The following ZNF43 variants were observed in gnomAD, a reference collection of about 807,000 sequenced individuals.
ZNF43 encodes the protein zinc finger protein 43, also known as zinc finger protein 39-like 1 (KOX 27).
In ZNF43, 44 loss-of-function variants were observed where a neutral mutation model predicts 68.4. The ratio of observed to expected loss-of-function variants is 0.64; its 90% CI spans 0.51 to 0.83. The LOEUF is 0.83. Among genes scored for constraint, ZNF43 ranks in the 40% least tolerant of loss-of-function variants. The pLI, the probability that ZNF43 is intolerant of heterozygous loss-of-function variation, is 0.00. For missense variants in ZNF43, 896 were observed against 933.2 expected (o/e 0.96, Z 0.52); for synonymous variants, 308 against 307.8 (o/e 1.00, Z -0.01).
At chr19:21,834,942 A>T (rs1018615651) in intron 1 of ZNF43, among the ~76,000 whole-genome samples, 8 of 74,484 alleles carry the variant, frequency 1.1e-4, no homozygotes, top group Admixed American at 4.4e-4. Context: ...AATGTACACT[A>T]AAAAAAAAAA....
intron 1 of ZNF43, among the ~76,000 whole-genome samples, chr19:21,850,693 G>A (rs1006770584): frequency 6.6e-6 from 1 of 152,208 alleles, no homozygotes; most frequent in African/African-American, 2.4e-5. Flanking sequence ...TAACCTGAGA[G>A]CAGGGCTTAG....
chr19:21,850,273 C>G (rs1968256961), intron 1 of ZNF43, among the ~76,000 whole-genome samples: 1 of 152,278 alleles, frequency 6.6e-6, no homozygotes, highest in South Asian at 2.1e-4. Context: ...TAGAAAGGGC[C>G]TGGGCAGGGC....
intron 1 of ZNF43, among the ~76,000 whole-genome samples, chr19:21,851,539 CAAAAAAAAAAA>C (rs759516277): frequency 1.5e-5 from 1 of 64,848 alleles, no homozygotes; most frequent in Non-Finnish European, 3.4e-5. Flanking sequence ...GATTCCCTCT[CAAAAAAAAAAA>C]AAAAAAAAAA....
chr19:21,807,936 T>C lies in ZNF43; in HGVS notation c.2101A>G (p.Thr701Ala), dbSNP rs773093344. The change falls in exon 4 of 4, where the codon ACT becomes GCT. Residue 701 changes from threonine to alanine, a missense_variant. Thr to Ala is a moderately conservative substitution (Grantham distance 58). Transcript: ENST00000354959. ...STLSTHKIIHTGEKPYKCEKC... is the reference protein window; with the variant it reads ...STLSTHKIIHAGEKPYKCEKC... ...TCACATTTGTAGGGTTTCTCTCCAG[T>C]ATGAATAATCTTATGTGTAGAAAGG... The C allele has an allele frequency of 1.4e-5, 23 of 1,612,884 alleles. No individual in the cohort carries two copies. Among genetic ancestry groups the C allele is most frequent in the Non-Finnish European group, 8.5e-7 (1 of 1,179,770 alleles).
intron 1 of ZNF43, among the ~76,000 whole-genome samples, chr19:21,833,893 A>G (rs2244127): frequency 0.47 from 70,545 of 151,512 alleles, 18,826 homozygotes; most frequent in African/African-American, 0.75. Flanking sequence ...CAGGCGTGGT[A>G]GTGCATCCCT....
Position 21,836,161 on chromosome 19 carries a change from A to G in ZNF43, c.-123T>C. 1 of 1,568,272 alleles carries G rather than the reference A, an allele frequency of 6.4e-7. No homozygotes were observed. The highest frequency in any genetic ancestry group is 8.7e-7 in the Non-Finnish European group (1 of 1,155,812). Reference sequence around the variant, plus strand: ...ACAGAAGAACGAAGACGAGACGCAGAGCTCCAACTGCAGCCAGAGACAAAG... The same window carrying G: ...ACAGAAGAACGAAGACGAGACGCAGGGCTCCAACTGCAGCCAGAGACAAAG... On this transcript the variant is annotated 5_prime_UTR_variant, in exon 1 of 4. Transcript: ENST00000354959.
At chr19:21,830,183 G>A (rs763822883) in intron 1 of ZNF43, among the ~76,000 whole-genome samples, 35 of 151,758 alleles carry the variant, frequency 2.3e-4, no homozygotes, top group Non-Finnish European at 4.3e-4. Context: ...CCAGGGAGGC[G>A]GAGGTTGCAG....
intron 1 of ZNF43, chr19:21,851,845 G>C: frequency 6.6e-7 from 1 of 1,515,720 alleles, no homozygotes; most frequent in African/African-American, 1.4e-5. Context: ...TGAGGAGGCC[G>C]GTCCCGCCAC....
Position 21,846,372 on chromosome 19 carries a change from C to T in ZNF43, c.30+5533G>A, listed in dbSNP as rs150773427. On this transcript the variant is annotated intron_variant, in intron 1 of 3. Transcript: ENST00000357491. ...CAGGGACCAAGCATAAGAATCACAT[C>T]ACCTGTGTGCTGGGCCAAACAATAA... Among the ~76,000 whole-genome samples, 1,326 of 152,314 alleles carry T rather than the reference C, an allele frequency of 8.7e-3. 23 individuals carry two copies. Among genetic ancestry groups the T allele is most frequent in the African/African-American group, 0.03 (1,259 of 41,554 alleles).
intron 3 of ZNF43, among the ~76,000 whole-genome samples, chr19:21,816,316 G>A (rs2037526052): frequency 1.3e-5 from 2 of 152,250 alleles, no homozygotes; most frequent in South Asian, 2.1e-4. Flanking sequence ...GCTGGGTTAT[G>A]TAGCAAGACC....
At chr19:21,833,029 CTGA>C (rs2038498267) in intron 1 of ZNF43, among the ~76,000 whole-genome samples, 1 of 152,172 alleles carries the variant, frequency 6.6e-6, no homozygotes, top group Non-Finnish European at 1.5e-5. Flanking sequence ...AAGAGAGTAA[CTGA>C]TGTTTTTATG....
Position 21,807,600 on chromosome 19 carries a change from G to A in ZNF43, c.*7C>T. The A allele has an allele frequency of 6.6e-7, 1 of 1,526,514 alleles. No homozygotes were observed. The highest frequency in any genetic ancestry group is 2.3e-5 in the East Asian group (1 of 44,152). The allele number at this position is 1,526,514 out of a possible 1,614,324, so 94.6% of individuals were successfully genotyped here. On this transcript the variant is annotated 3_prime_UTR_variant, in exon 4 of 4. Coordinates refer to ENST00000354959, the MANE Select transcript of ZNF43 (RefSeq NM_003423.4). ...TTTACATTTCTAGAATTTCTCACCA[G>A]TATAATTTATTTTATGTTTGAAAAA...
At chr19:21,836,378 C>G (rs372023042), upstream of ZNF43, among the ~76,000 whole-genome samples, 9 of 152,340 alleles carry the variant, frequency 5.9e-5, no homozygotes, top group African/African-American at 2.2e-4. Context: ...TCAGGCAGGG[C>G]TTCCTCCCTG....
chr19:21,843,291 T>G (rs1967664968), intron 1 of ZNF43: 4 of 867,636 alleles, frequency 4.6e-6, no homozygotes, highest in African/African-American at 1.8e-5. Flanking sequence ...GTCAAATCGC[T>G]CACATTCTGA....
chr19:21,838,613 T>C (rs541229447), upstream of ZNF43, among the ~76,000 whole-genome samples: 4 of 152,278 alleles, frequency 2.6e-5, no homozygotes, highest in East Asian at 7.8e-4. Flanking sequence ...TTGGCCAGGC[T>C]GGTCTCAAAC....
intron 3 of ZNF43, among the ~76,000 whole-genome samples, chr19:21,810,524 C>A (rs749682406): frequency 2.0e-4 from 31 of 152,164 alleles, no homozygotes; most frequent in Non-Finnish European, 3.4e-4. Context: ...ACATGGACAT[C>A]CAAACCATAT....
rs757409700 is a variant in ZNF43, at chr19:21,805,437, C to T, written c.*2170G>A. On this transcript the variant is annotated 3_prime_UTR_variant, in exon 4 of 4. Coordinates refer to ENST00000354959, the MANE Select transcript of ZNF43 (RefSeq NM_003423.4). Reference sequence around the variant, plus strand: ...CAAGATCATGCCACTGTACTCCAGCCTGGGTGACAGAGCGAGACTCCATCT... The same window carrying T: ...CAAGATCATGCCACTGTACTCCAGCTTGGGTGACAGAGCGAGACTCCATCT... 3 of 151,914 alleles carry T rather than the reference C, an allele frequency of 2.0e-5. No homozygotes were observed. Among genetic ancestry groups the T allele is most frequent in the African/African-American group, 7.3e-5 (3 of 41,296 alleles). 9.4% of individuals were successfully genotyped at this position (151,914 alleles called of 1,614,324 possible). A position where few individuals can be genotyped will look rare whatever the true frequency, so the allele number is the denominator to read the frequency against.
At position 21,808,284 on chromosome 19, in the gene ZNF43, T is replaced by C. The variant is rs2037067763; in HGVS notation, c.1753A>G (p.Lys585Glu). 1 of 1,613,524 alleles carries C rather than the reference T, an allele frequency of 6.2e-7. No individual in the cohort carries two copies. Among genetic ancestry groups the C allele is most frequent in the Non-Finnish European group, 8.5e-7 (1 of 1,179,866 alleles). ...FTQSSNLTTH[K>E]KIHTGEKFYK... ...AATTTCTCTCCAGTATGAATTTTCT[T>C]ATGTGTAGTAAGGTTTGAGGATTGG... Residue 585 changes from lysine to glutamate, a missense_variant, in exon 4 of 4, where the codon AAG (lysine) becomes GAG (glutamate). Physicochemically the swap from Lys to Glu is moderately conservative, Grantham distance 56. Coordinates refer to ENST00000354959, the MANE Select transcript of ZNF43 (RefSeq NM_003423.4).
Position 21,817,989 on chromosome 19 carries a change from G to A in ZNF43, c.131-3C>T, listed in dbSNP as rs2037613303. 1.2e-6 allele frequency: 2 copies of A among 1,609,760 alleles called. No homozygotes were observed. Among genetic ancestry groups the A allele is most frequent in the African/African-American group, 1.3e-5 (1 of 74,764 alleles). On this transcript the variant is annotated splice_region_variant and splice_polypyrimidine_tract_variant and intron_variant, in intron 2 of 3. Coordinates refer to ENST00000354959, the MANE Select transcript of ZNF43 (RefSeq NM_003423.4). Reference sequence around the variant, plus strand: ...GTCTGGCTTAGAGACAGCAATACCTGTTTCAATAAAAAATAAATTACGTGA... The same window carrying A: ...GTCTGGCTTAGAGACAGCAATACCTATTTCAATAAAAAATAAATTACGTGA...
Sources: gnomAD v4.1 joint callset for allele counts (sites outside exome capture counted in the v4.1 genomes callset) on GRCh38, gnomAD v4.1.1 for gene constraint, MANE v1.5 for transcripts, NCBI Gene and HGNC (gene_info 2026-07-23, HGNC 2026-07-21) for gene names.